CDC16: variants seen among roughly 807,000 people sequenced by gnomAD.
CDC16 encodes the protein cell division cycle protein 16 homolog.
In CDC16, 34 loss-of-function variants were observed where a neutral mutation model predicts 87.0. The observed-to-expected ratio is 0.39, with a 90% CI of 0.30 to 0.52. CDC16 has a LOEUF of 0.52. CDC16 is among the 20% of genes least tolerant of loss of function. The probability of loss-of-function intolerance (pLI) is 0.74; values close to 1 mark genes in which losing one functional copy is unlikely to be tolerated. For missense variants in CDC16, 653 were observed against 751.9 expected (o/e 0.87, Z 1.54); for synonymous variants, 263 against 260.6 (o/e 1.01, Z -0.09).
intron 17 of CDC16, among the ~76,000 whole-genome samples, chr13:114,266,987 T>G (rs1381864033): frequency 6.6e-6 from 1 of 151,698 alleles, no homozygotes; most frequent in Non-Finnish European, 1.5e-5. Context: ...TGAGCCACCA[T>G]GTCTGGCCAA....
At position 114,235,083 on chromosome 13, in the gene CDC16, C is replaced by T; in HGVS notation, c.-2C>T. 1 of 1,246,220 alleles carries T rather than the reference C, an allele frequency of 8.0e-7. No individual in the cohort carries two copies. The highest frequency in any genetic ancestry group is 1.0e-6 in the Non-Finnish European group (1 of 996,052). 77.2% of individuals were successfully genotyped at this position (1,246,220 alleles called of 1,614,324 possible). Reference sequence around the variant, plus strand: ...GTGGCGTGAGGCCGGGCCCGCGCCGCCATGAACCTAGAGCGGCTGCGGAAG... The same window carrying T: ...GTGGCGTGAGGCCGGGCCCGCGCCGTCATGAACCTAGAGCGGCTGCGGAAG... On this transcript the variant is annotated 5_prime_UTR_variant, in exon 1 of 18. Coordinates refer to ENST00000356221, the MANE Select transcript of CDC16 (RefSeq NM_001078645.3).
chr13:114,267,971 G>A (rs961184162), intron 17 of CDC16, among the ~76,000 whole-genome samples: 9 of 152,322 alleles, frequency 5.9e-5, no homozygotes, highest in Middle Eastern at 3.4e-3. Context: ...CTGAAAGACT[G>A]AAAACAAGAA....
At chr13:114,239,246 C>T in intron 4 of CDC16, 104 bp from the exon 5 acceptor site, 1 of 1,486,430 alleles carries the variant, frequency 6.7e-7, no homozygotes, top group Non-Finnish European at 9.0e-7. Flanking sequence ...AGACATTTCA[C>T]ATTTAAATAA....
intron 11 of CDC16, among the ~76,000 whole-genome samples, chr13:114,249,117 C>T (rs1336341374): frequency 6.6e-6 from 1 of 151,736 alleles, no homozygotes; most frequent in African/African-American, 2.4e-5. Context: ...AGCTTGTTTT[C>T]CTGCAACTAG....
At chr13:114,251,837 C>G (rs114028432) in intron 12 of CDC16, among the ~76,000 whole-genome samples, 2,118 of 152,332 alleles carry the variant, frequency 0.014, 34 homozygotes, top group African/African-American at 0.038. Context: ...AGAGAGAGCT[C>G]TGGTGTCTCT....
chr13:114,256,438 GATC>G (rs1368893291), intron 12 of CDC16, among the ~76,000 whole-genome samples: 1 of 152,190 alleles, frequency 6.6e-6, no homozygotes, highest in Non-Finnish European at 1.5e-5. Context: ...GATGTTCTGA[GATC>G]ATCATCAAGG....
At chr13:114,264,438 A>C (rs913705898) in intron 16 of CDC16, among the ~76,000 whole-genome samples, 1 of 152,034 alleles carries the variant, frequency 6.6e-6, no homozygotes, top group African/African-American at 2.4e-5. Flanking sequence ...CCCAGCTACT[A>C]GCCCTGCGCC....
chr13:114,264,404 G>A (rs1402720817), intron 16 of CDC16: 1 of 152,144 alleles, frequency 6.6e-6, no homozygotes, highest in Non-Finnish European at 1.5e-5. Flanking sequence ...AAATTAGCTG[G>A]GCATGGTAGC....
chr13:114,268,945 G>A (rs1340344627), intron 17 of CDC16, among the ~76,000 whole-genome samples: 1 of 152,218 alleles, frequency 6.6e-6, no homozygotes, highest in Non-Finnish European at 1.5e-5. Context: ...CTGCTGGTGG[G>A]TTATAAAAGG....
rs997066197 is a variant in CDC16 at position 114,238,432 on chromosome 13, C to G, written c.202-558C>G. Among the ~76,000 whole-genome samples, 7 of 147,780 alleles carry G rather than the reference C, an allele frequency of 4.7e-5. No individual in the cohort carries two copies. In the East Asian group the frequency reaches 1.2e-3, roughly 26 times the overall value. ...CGGACGCCCAGCAGTTATTCACACT[C>G]AGGGCCTGAAGTGGAGCTGCTGCGA... On this transcript the variant is annotated intron_variant, in intron 3 of 17. Coordinates refer to ENST00000356221, the MANE Select transcript of CDC16 (RefSeq NM_001078645.3).
chr13:114,262,837 T>C (rs766294122), intron 15 of CDC16, 42 bp from the exon 16 acceptor site: 1 of 1,610,070 alleles, frequency 6.2e-7, no homozygotes, highest in African/African-American at 1.3e-5. Flanking sequence ...CTTAGGAATT[T>C]AGTGCTTTTA....
intron 11 of CDC16, among the ~76,000 whole-genome samples, chr13:114,248,766 C>G (rs1487827559): frequency 6.6e-6 from 1 of 152,114 alleles, no homozygotes; most frequent in African/African-American, 2.4e-5. Context: ...CGAAAGTACC[C>G]TGTACTAGGA....
chr13:114,254,068 A>G (rs1447924339), intron 12 of CDC16, among the ~76,000 whole-genome samples: 3 of 152,150 alleles, frequency 2.0e-5, no homozygotes, highest in Non-Finnish European at 4.4e-5. Context: ...CTCTAATAAT[A>G]CTTTTTTTTA....
intron 17 of CDC16, among the ~76,000 whole-genome samples, chr13:114,268,684 G>A (rs2083405614): frequency 6.6e-6 from 1 of 152,202 alleles, no homozygotes; most frequent in Non-Finnish European, 1.5e-5. Flanking sequence ...CATAATGATG[G>A]TGGTGTGTGC....
Position 114,259,359 on chromosome 13 carries a change from T to A in CDC16, c.1275T>A (p.Phe425Leu). The A allele has an allele frequency of 6.3e-7, 1 of 1,575,432 alleles. No individual in the cohort carries two copies. Among genetic ancestry groups the A allele is most frequent in the Non-Finnish European group, 8.5e-7 (1 of 1,170,230 alleles). ...NGEWKTAEKW[F>L]LDALEKIKAI... ...GATGGAAAACAGCCGAAAAATGGTT[T>A]CTTGATGCTTTGGAAAAAATTAAAG... The change falls in exon 14 of 18, where the codon TTT (phenylalanine) becomes TTA (leucine). Residue 425 changes from phenylalanine to leucine, a missense_variant. Coordinates refer to ENST00000356221, the MANE Select transcript of CDC16 (RefSeq NM_001078645.3).
chr13:114,272,342 A>G lies in CDC16; in HGVS notation c.1762A>G (p.Lys588Glu). 6.2e-7 allele frequency: 1 copy of G among 1,614,234 alleles called. No individual in the cohort carries two copies. The highest frequency in any genetic ancestry group is 1.1e-5 in the South Asian group (1 of 91,090). ...GCTTACGCCATTGGAAACCTCAAGG[A>G]AAACTCCAGATTCCAGACCTTCCTT... Reference protein sequence around the residue: ...TGLTPLETSRKTPDSRPSLEE... With the variant: ...TGLTPLETSRETPDSRPSLEE... The change falls in exon 18 of 18, where the codon AAA (lysine) becomes GAA (glutamate). Residue 588 changes from lysine (K) to glutamate (E), a missense_variant. Lys to Glu is a moderately conservative substitution (Grantham distance 56). Coordinates refer to ENST00000356221, the MANE Select transcript of CDC16 (RefSeq NM_001078645.3).
intron 13 of CDC16, 70 bp from the exon 14 acceptor site, chr13:114,259,265 T>A: frequency 9.5e-7 from 1 of 1,050,248 alleles, no homozygotes; most frequent in East Asian, 2.6e-5. Flanking sequence ...AGAAAGGTAA[T>A]CAAAAATTTT....
At chr13:114,250,720 C>G in intron 12 of CDC16, 46 bp downstream of exon 12, 1 of 1,591,576 alleles carries the variant, frequency 6.3e-7, no homozygotes, top group Non-Finnish European at 8.6e-7. Context: ...GATGTTTTTC[C>G]TAATAGAAAT....
intron 8 of CDC16, chr13:114,244,643 C>A: frequency 3.2e-6 from 1 of 313,854 alleles, no homozygotes; most frequent in Non-Finnish European, 5.8e-6. Context: ...ATTCTGTTGA[C>A]TTAAAGTAAA....
Sources: gnomAD v4.1 joint callset for allele counts (sites outside exome capture counted in the v4.1 genomes callset) on GRCh38, gnomAD v4.1.1 for gene constraint, MANE v1.5 for transcripts, NCBI Gene and HGNC (gene_info 2026-07-23, HGNC 2026-07-21) for gene names.